Variants in CLECL1 observed in about 807,000 individuals in gnomAD.
CLECL1 encodes the protein C-type lectin-like domain family 1.
At chr12:9,713,708 G>A (rs183798770), downstream of CLECL1, among the ~76,000 whole-genome samples, 2 of 152,278 alleles carry the variant, frequency 1.3e-5, no homozygotes, top group Admixed American at 1.3e-4. Context: ...TAGTATGCTT[G>A]TGCTGAAGCA....
chr12:9,724,832 A>T (rs1169849622), intron 3 of CLECL1, among the ~76,000 whole-genome samples: 1 of 152,192 alleles, frequency 6.6e-6, no homozygotes, highest in Non-Finnish European at 1.5e-5. Context: ...TTACACTTTC[A>T]AGAAGCTCAG....
the CLECL1 span, among the ~76,000 whole-genome samples, chr12:9,710,001 G>T: frequency 6.6e-6 from 1 of 151,958 alleles, no homozygotes; most frequent in Non-Finnish European, 1.5e-5. Flanking sequence ...GAATTCCCAG[G>T]GTACACCTGT....
chr12:9,723,273 T>G (rs117511026), intron 3 of CLECL1, among the ~76,000 whole-genome samples: 2 of 152,220 alleles, frequency 1.3e-5, no homozygotes, highest in Non-Finnish European at 1.5e-5. Flanking sequence ...AATAGGTTCA[T>G]CTCTATTATC....
intron 2 of CLECL1, chr12:9,716,812 C>A (rs913635506): frequency 1.6e-6 from 2 of 1,215,650 alleles, no homozygotes; most frequent in Non-Finnish European, 2.2e-6. Context: ...AATGAGATAT[C>A]ATTCCCAAAA....
downstream of CLECL1, chr12:9,715,738 A>T (rs1022166071): frequency 6.6e-6 from 1 of 152,602 alleles, no homozygotes; most frequent in African/African-American, 2.4e-5. Flanking sequence ...CCCACTGCTG[A>T]GCTCTCTCCA....
downstream of CLECL1, among the ~76,000 whole-genome samples, chr12:9,711,081 A>G (rs181207521): frequency 6.6e-6 from 1 of 152,248 alleles, no homozygotes; most frequent in East Asian, 1.9e-4. Context: ...ACACTGTAAC[A>G]CATGCCTACT....
chr12:9,706,484 A>G, the CLECL1 span, among the ~76,000 whole-genome samples: 1 of 152,132 alleles, frequency 6.6e-6, no homozygotes, highest in Non-Finnish European at 1.5e-5. Context: ...TATGATATTG[A>G]CTGTAGATTT....
At chr12:9,723,581 G>T (rs1194553740) in intron 3 of CLECL1, among the ~76,000 whole-genome samples, 1 of 152,076 alleles carries the variant, frequency 6.6e-6, no homozygotes, top group Non-Finnish European at 1.5e-5. Context: ...ACAATTGTTA[G>T]CCTTAGGCCA....
At chr12:9,727,242 A>G (rs1390751175) in intron 3 of CLECL1, among the ~76,000 whole-genome samples, 1 of 151,810 alleles carries the variant, frequency 6.6e-6, no homozygotes, top group Non-Finnish European at 1.5e-5. Flanking sequence ...ATGACCATGA[A>G]TTTTAAGAGG....
chr12:9,716,715 C>A, exon 3 of CLECL1: 1 of 1,205,666 alleles, frequency 8.3e-7, no homozygotes, highest in African/African-American at 1.6e-5. Context: ...CCTGTAGCCT[C>A]TGTCTCCTCA....
intron 2 of CLECL1, among the ~76,000 whole-genome samples, chr12:9,729,104 T>A (rs1050218401): frequency 6.6e-6 from 1 of 152,102 alleles, no homozygotes; most frequent in African/African-American, 2.4e-5. Flanking sequence ...AATTGGACTA[T>A]GTTTGGCTAT....
chr12:9,705,493 A>G, the CLECL1 span, among the ~76,000 whole-genome samples: 2 of 152,056 alleles, frequency 1.3e-5, no homozygotes, highest in East Asian at 1.9e-4. Flanking sequence ...TATATCCTGA[A>G]TGTTATTGCT....
At chr12:9,705,336 T>A in the CLECL1 span, among the ~76,000 whole-genome samples, 1 of 152,146 alleles carries the variant, frequency 6.6e-6, no homozygotes, top group East Asian at 1.9e-4. Flanking sequence ...ATTACAAAAA[T>A]TTTATCCCAT....
At chr12:9,727,386 G>A (rs1866392465) in intron 3 of CLECL1, among the ~76,000 whole-genome samples, 1 of 151,406 alleles carries the variant, frequency 6.6e-6, no homozygotes, top group African/African-American at 2.4e-5. Flanking sequence ...ATTTTGCCTT[G>A]GCCCTTTACA....
the CLECL1 span, among the ~76,000 whole-genome samples, chr12:9,702,369 T>G: frequency 3.7e-4 from 57 of 152,242 alleles, no homozygotes; most frequent in Admixed American, 1.2e-3. Context: ...TCCGGCTGCT[T>G]CTTCTTTTCT....
chr12:9,717,368 C>G (rs964502682), intron 2 of CLECL1, among the ~76,000 whole-genome samples: 1 of 152,192 alleles, frequency 6.6e-6, no homozygotes, highest in South Asian at 2.1e-4. Context: ...TGCATATGTT[C>G]TAAGACAGGT....
chr12:9,702,366 GCTT>G, the CLECL1 span, among the ~76,000 whole-genome samples: 2 of 152,132 alleles, frequency 1.3e-5, no homozygotes, highest in East Asian at 1.9e-4. Context: ...ACATCCGGCT[GCTT>G]CTTCTTTTCT....
At chr12:9,724,038 T>G (rs1866346205) in intron 3 of CLECL1, among the ~76,000 whole-genome samples, 1 of 151,106 alleles carries the variant, frequency 6.6e-6, no homozygotes, top group Non-Finnish European at 1.5e-5. Context: ...TAAAAAAAAA[T>G]TAGCCAGTCA....
At chr12:9,704,612 C>T in the CLECL1 span, among the ~76,000 whole-genome samples, 1 of 152,122 alleles carries the variant, frequency 6.6e-6, no homozygotes, top group Non-Finnish European at 1.5e-5. Flanking sequence ...CTCTAGGTAT[C>T]TATGTGTTCT....
Sources: allele counts gnomAD v4.1 joint callset (sites outside exome capture counted in the v4.1 genomes callset), GRCh38; gene constraint gnomAD v4.1.1; transcripts MANE v1.5; gene names NCBI Gene and HGNC (gene_info 2026-07-23, HGNC 2026-07-21).